Variants in GPC5 observed in about 807,000 individuals in gnomAD.
GPC5 encodes glypican-5.
A neutral mutation model predicts 53.9 loss-of-function variants in GPC5; 47 were observed. The ratio of observed to expected loss-of-function variants is 0.87; its 90% CI spans 0.69 to 1.11. The LOEUF (loss-of-function observed/expected upper bound fraction) is 1.11, where lower values mean the gene tolerates loss of function less well. Ranked by LOEUF, GPC5 falls within the 50% of genes most tolerant of loss-of-function variation. The pLI is 0.00. For synonymous variants in GPC5, 286 were observed against 263.3 expected, an observed-to-expected ratio of 1.09 and a Z score of -0.84; for missense variants, 748 against 713.1, an observed-to-expected ratio of 1.05 and a Z score of -0.56.
chr13:92,708,228 G>A (rs769232271), intron 7 of GPC5, among the ~76,000 whole-genome samples: 1 of 152,242 alleles, frequency 6.6e-6, no homozygotes, highest in Admixed American at 6.5e-5. Flanking sequence ...TAAACTATTT[G>A]CAATCCATAG....
At chr13:91,518,303 G>T (rs1885619046) in intron 2 of GPC5, among the ~76,000 whole-genome samples, 1 of 152,146 alleles carries the variant, frequency 6.6e-6, no homozygotes, top group African/African-American at 2.4e-5. Flanking sequence ...TGAGGTTGCA[G>T]TGAACTATGA....
chr13:92,748,853 T>C (rs1185100186), intron 7 of GPC5, among the ~76,000 whole-genome samples: 1 of 152,166 alleles, frequency 6.6e-6, no homozygotes, highest in Non-Finnish European at 1.5e-5. Flanking sequence ...ATTTAATTAT[T>C]TGCTGAATGC....
At chr13:92,317,713 G>A (rs1362366950) in intron 7 of GPC5, among the ~76,000 whole-genome samples, 1 of 151,866 alleles carries the variant, frequency 6.6e-6, no homozygotes, top group African/African-American at 2.4e-5. Flanking sequence ...TGTTGGCCAG[G>A]CTGGTCTTAA....
chr13:92,520,414 CAA>C (rs1880993958), intron 7 of GPC5, among the ~76,000 whole-genome samples: 1 of 152,066 alleles, frequency 6.6e-6, no homozygotes, highest in South Asian at 2.1e-4. Flanking sequence ...AGAAGCACAT[CAA>C]AAAAGCTTAT....
chr13:92,360,192 G>T (rs1334459397), intron 7 of GPC5, among the ~76,000 whole-genome samples: 1 of 151,386 alleles, frequency 6.6e-6, no homozygotes. Context: ...TATTGCCTAG[G>T]GTGCCTTCTA....
At chr13:92,247,699 C>T (rs1262592458) in intron 7 of GPC5, among the ~76,000 whole-genome samples, 2 of 152,140 alleles carry the variant, frequency 1.3e-5, no homozygotes, top group East Asian at 3.9e-4. Flanking sequence ...TATACTGTTG[C>T]TCCTAAGCAG....
chr13:92,721,984 T>G (rs1888520400), intron 7 of GPC5, among the ~76,000 whole-genome samples: 1 of 152,040 alleles, frequency 6.6e-6, no homozygotes, highest in Non-Finnish European at 1.5e-5. Flanking sequence ...TTAGAAACCC[T>G]TAAACAAACT....
At chr13:91,414,169 G>A (rs1290752747) in intron 1 of GPC5, among the ~76,000 whole-genome samples, 2 of 152,158 alleles carry the variant, frequency 1.3e-5, no homozygotes, top group Non-Finnish European at 2.9e-5. Context: ...GTTGTGGGAG[G>A]GACCCAGTGG....
chr13:91,465,178 G>A (rs1283064962), intron 2 of GPC5, among the ~76,000 whole-genome samples: 28 of 151,832 alleles, frequency 1.8e-4, no homozygotes, highest in Admixed American at 1.8e-3. Context: ...TTGCTTTCTT[G>A]ATCTCATTCA....
At chr13:92,313,289 A>G (rs2043157675) in intron 7 of GPC5, among the ~76,000 whole-genome samples, 1 of 152,138 alleles carries the variant, frequency 6.6e-6, no homozygotes, top group Non-Finnish European at 1.5e-5. Flanking sequence ...TCCACTTTCC[A>G]AGAAATAACA....
Position 92,063,583 on chromosome 13 carries a change from AG to A in GPC5, c.1402-81244del, listed in dbSNP as rs2041141500. Among the ~76,000 whole-genome samples the A allele has an allele frequency of 2.6e-5, 4 of 152,242 alleles. No individual in the cohort carries two copies. The South Asian group carries it at 8.3e-4, about 32-fold the overall frequency. On this transcript the variant is annotated intron_variant, in intron 6 of 7. Coordinates refer to ENST00000377067, the MANE Select transcript of GPC5 (RefSeq NM_004466.6). The stretch of plus-strand genomic sequence containing the variant: ...AATTACTGAAAAAATAAACCAAGAG[AG>A]GGTTTTGAAAATTAACACTGCAGCA...
At position 92,427,095 on chromosome 13, in the gene GPC5, AC is replaced by A. The variant is rs1489170569; in HGVS notation, c.1561+282107del. Among the ~76,000 whole-genome samples, 9 of 151,932 alleles carry A rather than the reference AC, an allele frequency of 5.9e-5. No individual in the cohort carries two copies. In the South Asian group the frequency reaches 1.2e-3, roughly 21 times the overall value. On this transcript the variant is annotated intron_variant, in intron 7 of 7. Transcript: ENST00000377067. ...AAGTCTGAATATTTATTGAAAAAAAACATTTCACCTAGTGCTTACCCAAGGA... is the reference window on the plus strand; with the variant it reads ...AAGTCTGAATATTTATTGAAAAAAAAATTTCACCTAGTGCTTACCCAAGGA...
At chr13:91,852,768 C>T (rs1166714422) in intron 5 of GPC5, among the ~76,000 whole-genome samples, 2 of 152,076 alleles carry the variant, frequency 1.3e-5, no homozygotes, top group African/African-American at 4.8e-5. Context: ...TTTTTCAGCT[C>T]CATTATAACT....
intron 7 of GPC5, among the ~76,000 whole-genome samples, chr13:92,683,920 C>A (rs1295598903): frequency 2.6e-5 from 4 of 152,234 alleles, no homozygotes; most frequent in African/African-American, 7.2e-5. Flanking sequence ...TCATTTTTAT[C>A]TGAAGTTCAT....
At chr13:91,501,938 T>C (rs2139298434) in intron 2 of GPC5, among the ~76,000 whole-genome samples, 1 of 152,306 alleles carries the variant, frequency 6.6e-6, no homozygotes, top group East Asian at 1.9e-4. Flanking sequence ...GATCGCCATT[T>C]TAACTGGTGT....
At chr13:92,385,599 A>AT (rs1874641846) in intron 7 of GPC5, among the ~76,000 whole-genome samples, 1 of 134,712 alleles carries the variant, frequency 7.4e-6, no homozygotes, top group African/African-American at 2.8e-5. Context: ...GCATATATAC[A>AT]TATATACACA....
chr13:92,702,521 C>T (rs754276703), intron 7 of GPC5, among the ~76,000 whole-genome samples: 4 of 151,952 alleles, frequency 2.6e-5, no homozygotes, highest in Admixed American at 6.6e-5. Context: ...CCCCATGATC[C>T]GTCAGAAGCA....
chr13:91,674,482 C>T (rs556978916), intron 2 of GPC5, among the ~76,000 whole-genome samples: 21 of 149,316 alleles, frequency 1.4e-4, no homozygotes, highest in East Asian at 7.9e-4. Context: ...CACACACACG[C>T]GCATGTGTAT....
At chr13:92,751,095 C>A (rs182099414) in intron 7 of GPC5, among the ~76,000 whole-genome samples, 9 of 151,664 alleles carry the variant, frequency 5.9e-5, no homozygotes, top group African/African-American at 2.2e-4. Flanking sequence ...ATATATAAAC[C>A]TTTTTACTAA....
Sources: gnomAD v4.1 joint callset for allele counts (sites outside exome capture counted in the v4.1 genomes callset) on GRCh38, gnomAD v4.1.1 for gene constraint, MANE v1.5 for transcripts, NCBI Gene and HGNC (gene_info 2026-07-23, HGNC 2026-07-21) for gene names.